Variants in EPC1 observed in about 807,000 individuals in gnomAD.
EPC1 encodes enhancer of polycomb 1, also known as enhancer of polycomb homolog 1.
EPC1 carries 12 observed loss-of-function variants against 98.4 expected under a neutral mutation model. The observed-to-expected ratio is 0.12, with a 90% confidence interval of 0.08 to 0.20. The LOEUF is 0.20. Among genes scored for constraint, EPC1 ranks in the 10% least tolerant of loss-of-function variants. The probability of loss-of-function intolerance (pLI) is 1.00; values close to 1 mark genes in which losing one functional copy is unlikely to be tolerated. For synonymous variants in EPC1, 357 were observed against 363.9 expected (o/e 0.98, Z 0.21); for missense variants, 729 against 990.5 (o/e 0.74, Z 3.54).
At chr10:32,351,423 G>A (rs181733755), upstream of EPC1, among the ~76,000 whole-genome samples, 75 of 152,174 alleles carry the variant, frequency 4.9e-4, no homozygotes, top group East Asian at 1.6e-3. Context: ...TTGGGAGGCC[G>A]AGGAGAGTGG....
intron 2 of EPC1, among the ~76,000 whole-genome samples, chr10:32,300,609 T>G (rs569341786): frequency 6.6e-6 from 1 of 152,000 alleles, no homozygotes; most frequent in East Asian, 1.9e-4. Flanking sequence ...AATTTTTGTA[T>G]TTTTAGTAGA....
At chr10:32,292,763 G>A in intron 4 of EPC1, 119 bp from the exon 5 acceptor site, 2 of 1,033,548 alleles carry the variant, frequency 1.9e-6, no homozygotes, top group South Asian at 3.6e-5. Flanking sequence ...ACAATAAAAG[G>A]GAGCACAGAT....
At chr10:32,285,591 C>A (rs1281680877) in intron 9 of EPC1, 1 of 152,610 alleles carries the variant, frequency 6.6e-6, no homozygotes, top group Non-Finnish European at 1.5e-5. Context: ...GATTCTCCTG[C>A]CTCAGCCTCC....
chr10:32,322,634 T>G (rs1356021314), intron 1 of EPC1, among the ~76,000 whole-genome samples: 1 of 152,238 alleles, frequency 6.6e-6, no homozygotes, highest in Non-Finnish European at 1.5e-5. Context: ...TTGTTTTACT[T>G]ATCTAAAATA....
intron 1 of EPC1, among the ~76,000 whole-genome samples, chr10:32,367,713 G>A (rs959655997): frequency 7.2e-5 from 11 of 152,154 alleles, no homozygotes; most frequent in African/African-American, 2.4e-4. Context: ...GTACACATTT[G>A]TATTGAATTC....
chr10:32,293,485 T>TA, intron 3 of EPC1, 107 bp downstream of exon 3: 1 of 1,067,086 alleles, frequency 9.4e-7, no homozygotes, highest in Non-Finnish European at 1.3e-6. Context: ...TTTTTAACTC[T>TA]AAAGCCTGAC....
Position 32,292,624 on chromosome 10 carries a change from G to A in EPC1, c.687C>T (p.Ala229=), listed in dbSNP as rs1475004615. 3 of 1,603,528 alleles carry A rather than the reference G, an allele frequency of 1.9e-6. No individual in the cohort carries two copies. Among genetic ancestry groups the A allele is most frequent in the Non-Finnish European group, 1.7e-6 (2 of 1,177,238 alleles). Residue 229 remains alanine, a synonymous_variant, in exon 5 of 14, where the codon GCC becomes GCT. Coordinates refer to ENST00000319778, the MANE Select transcript of EPC1 (RefSeq NM_001272004.3). ...QTRKNRKNDE[A]SYEKMLKLRR... is the part of the protein sequence containing the mutation. ...GCAGCTTAAGCATTTTTTCGTAAGA[G>A]GCTTCATCATTTTTGCGATTCTGCA...
chr10:32,364,001 CATTTTTTTTTTTTT>C (rs1839521057), intron 1 of EPC1, among the ~76,000 whole-genome samples: 5 of 61,840 alleles, frequency 8.1e-5, no homozygotes, highest in Admixed American at 2.4e-4. Context: ...ATCATGTTGG[CATTTTTTTTTTTTT>C]TTTTTTTTTT....
chr10:32,336,322 C>T (rs1266857098), intron 1 of EPC1, among the ~76,000 whole-genome samples: 4 of 152,030 alleles, frequency 2.6e-5, no homozygotes, highest in African/African-American at 9.7e-5. Flanking sequence ...CCTGCCTCGG[C>T]TTCTCAAAGT....
Position 32,293,590 on chromosome 10 carries a change from A to T in EPC1, c.459+2T>A. On this transcript the variant is annotated splice_donor_variant, in intron 3 of 13. Transcript: ENST00000319778. LOFTEE classifies it high-confidence loss of function. ...ACTTGTTATATACAAATGAAGTTGT[A>T]CCTGCTGACCACTGCCTTTTTCTAG... is the stretch of plus-strand genomic sequence containing the variant. The T allele has an allele frequency of 6.2e-7, 1 of 1,612,324 alleles. No individual in the cohort carries two copies. The highest frequency in any genetic ancestry group is 8.5e-7 in the Non-Finnish European group (1 of 1,179,290).
chr10:32,282,240 T>C (rs1836447670), intron 10 of EPC1: 1 of 151,994 alleles, frequency 6.6e-6, no homozygotes, highest in African/African-American at 2.4e-5. Flanking sequence ...TTTTAAAAAG[T>C]AGTATTGAGG....
intron 2 of EPC1, among the ~76,000 whole-genome samples, chr10:32,303,248 G>A (rs1835678222): frequency 6.6e-6 from 1 of 152,212 alleles, no homozygotes; most frequent in Admixed American, 6.5e-5. Flanking sequence ...GTTGCAGTGA[G>A]CTGGGACTGC....
At chr10:32,318,622 C>T (rs1307810083) in intron 1 of EPC1, among the ~76,000 whole-genome samples, 3 of 152,200 alleles carry the variant, frequency 2.0e-5, no homozygotes, top group Non-Finnish European at 4.4e-5. Flanking sequence ...ATCTGTTCCT[C>T]CTCCTGACCT....
chr10:32,284,540 C>T, intron 10 of EPC1, 158 bp downstream of exon 10: 1 of 582,020 alleles, frequency 1.7e-6, no homozygotes, highest in Non-Finnish European at 3.0e-6. Flanking sequence ...CCTATAGCAA[C>T]AGGATTCAAA....
intron 1 of EPC1, among the ~76,000 whole-genome samples, chr10:32,307,070 A>G (rs534112273): frequency 3.9e-5 from 6 of 152,328 alleles, no homozygotes; most frequent in African/African-American, 1.4e-4. Context: ...ACAATGTAGA[A>G]CTTTATCCCT....
chr10:32,315,453 CAATT>C (rs1836497765), intron 1 of EPC1, among the ~76,000 whole-genome samples: 1 of 152,088 alleles, frequency 6.6e-6, no homozygotes, highest in Non-Finnish European at 1.5e-5. Context: ...TTAGACATAA[CAATT>C]AAGGCTACCT....
intron 11 of EPC1, among the ~76,000 whole-genome samples, chr10:32,272,699 T>C (rs1379420656): frequency 1.3e-5 from 2 of 152,206 alleles, no homozygotes; most frequent in Non-Finnish European, 2.9e-5. Context: ...TTTAAAAATA[T>C]ATTTTTCCTG....
chr10:32,374,506 G>T (rs962833024), intron 1 of EPC1: 1 of 152,048 alleles, frequency 6.6e-6, no homozygotes, highest in Non-Finnish European at 1.5e-5. Context: ...ATAGGAATTT[G>T]TATTAGGCAA....
At chr10:32,336,857 G>A (rs767544016) in intron 1 of EPC1, among the ~76,000 whole-genome samples, 2 of 152,198 alleles carry the variant, frequency 1.3e-5, no homozygotes, top group Non-Finnish European at 1.5e-5. Flanking sequence ...TAGGAGAGAG[G>A]ATGGGATTAT....
Sources: gnomAD v4.1 joint callset for allele counts (sites outside exome capture counted in the v4.1 genomes callset) on GRCh38, gnomAD v4.1.1 for gene constraint, MANE v1.5 for transcripts, NCBI Gene and HGNC (gene_info 2026-07-23, HGNC 2026-07-21) for gene names.